NAV3: variants seen among roughly 807,000 people sequenced by gnomAD.
NAV3 encodes pore membrane and/or filament interacting like protein 1.
In NAV3, 87 loss-of-function variants were observed where a neutral mutation model predicts 244.7. The observed-to-expected ratio is 0.36, with a 90% CI of 0.30 to 0.42. The LOEUF (loss-of-function observed/expected upper bound fraction) is 0.42, where lower values mean the gene tolerates loss of function less well. Ranked by LOEUF, NAV3 falls within the 20% of genes least tolerant of loss-of-function variation. NAV3 has a pLI of 1.00. For missense variants in NAV3, 2,663 were observed against 2,893.3 expected (o/e 0.92, Z 1.83); for synonymous variants, 1,126 against 1,042.2 (o/e 1.08, Z -1.55).
At chr12:78,209,997 G>C (rs1960735867) in intron 39 of NAV3, among the ~76,000 whole-genome samples, 1 of 152,096 alleles carries the variant, frequency 6.6e-6, no homozygotes, top group Non-Finnish European at 1.5e-5. Flanking sequence ...GTGTGCGTCT[G>C]TGTGTGTATG....
intron 7 of NAV3, among the ~76,000 whole-genome samples, chr12:78,004,587 T>C (rs977139169): frequency 2.6e-5 from 4 of 152,226 alleles, no homozygotes; most frequent in African/African-American, 9.6e-5. Flanking sequence ...TTCCTGAATA[T>C]ATAAATGGCA....
At position 78,039,605 on chromosome 12, in the gene NAV3, GAA is replaced by G. The variant is rs1359316401; in HGVS notation, c.2024-10387_2024-10386del. On this transcript the variant is annotated intron_variant, in intron 9 of 39. Coordinates refer to ENST00000397909, the MANE Select transcript of NAV3 (RefSeq NM_001024383.2). ...TGGGGTAGAGGGCATAATTCTCTGA[GAA>G]TAAGATTTATTCATACAGATTTGAT... Among the ~76,000 whole-genome samples the G allele has an allele frequency of 2.6e-5, 4 of 152,098 alleles. No homozygotes were observed. In the South Asian group the frequency reaches 8.3e-4, roughly 32 times the overall value.
chr12:78,154,286 C>CTATATATTACTATATATACTACTATATAT (rs1565731140), intron 22 of NAV3, among the ~76,000 whole-genome samples: 1 of 117,612 alleles, frequency 8.5e-6, no homozygotes, highest in Non-Finnish European at 1.8e-5. Context: ...ACTATATATA[C>CTATATATTACTATATATACTACTATATAT]TACTATATAT....
intron 2 of NAV3, among the ~76,000 whole-genome samples, chr12:77,609,609 A>G (rs1870821856): frequency 6.6e-6 from 1 of 152,062 alleles, no homozygotes. Context: ...TTAATAAGTT[A>G]GAGATGGGGC....
intron 3 of NAV3, among the ~76,000 whole-genome samples, chr12:77,958,637 C>T (rs369558790): frequency 6.6e-6 from 1 of 152,092 alleles, no homozygotes. Flanking sequence ...TGTATCCATG[C>T]ATTTGGATAC....
chr12:78,171,838 A>C (rs1294833329), intron 24 of NAV3, among the ~76,000 whole-genome samples: 1 of 151,616 alleles, frequency 6.6e-6, no homozygotes, highest in African/African-American at 2.4e-5. Context: ...ATTTGGAATG[A>C]CACAACAGTT....
chr12:78,009,240 G>A (rs765041370), intron 8 of NAV3, among the ~76,000 whole-genome samples: 14 of 151,406 alleles, frequency 9.2e-5, no homozygotes, highest in African/African-American at 1.7e-4. Flanking sequence ...AACCTGATGA[G>A]TTCTTTGAGA....
chr12:78,179,499 G>A (rs777987029), intron 28 of NAV3, 30 bp from the exon 29 acceptor site: 5 of 1,612,266 alleles, frequency 3.1e-6, no homozygotes, highest in Non-Finnish European at 4.2e-6. Flanking sequence ...GCTTCCCCAG[G>A]CCACTGATTC....
intron 39 of NAV3, among the ~76,000 whole-genome samples, chr12:78,207,796 C>G (rs1218939504): frequency 6.6e-6 from 1 of 152,090 alleles, no homozygotes; most frequent in Non-Finnish European, 1.5e-5. Context: ...ATCACAGAGA[C>G]AGTGGAGAAC....
chr12:78,135,300 C>A (rs1295478869), intron 18 of NAV3, among the ~76,000 whole-genome samples: 1 of 152,170 alleles, frequency 6.6e-6, no homozygotes, highest in African/African-American at 2.4e-5. Context: ...AAAAGCAGAT[C>A]TGTCATAGTT....
chr12:77,639,142 C>T (rs1872282656), intron 2 of NAV3, among the ~76,000 whole-genome samples: 1 of 152,096 alleles, frequency 6.6e-6, no homozygotes, highest in Admixed American at 6.6e-5. Flanking sequence ...GGACTATCTC[C>T]ATTTGGATTT....
intron 2 of NAV3, among the ~76,000 whole-genome samples, chr12:77,599,440 G>C (rs1405515627): frequency 6.6e-6 from 1 of 151,748 alleles, no homozygotes; most frequent in Non-Finnish European, 1.5e-5. Context: ...TTTGAATATT[G>C]TACTTTGTGA....
chr12:77,637,980 CT>C (rs1232446327), intron 2 of NAV3, among the ~76,000 whole-genome samples: 1 of 152,170 alleles, frequency 6.6e-6, no homozygotes, highest in Non-Finnish European at 1.5e-5. Flanking sequence ...TCAACAGGCA[CT>C]ATTTGATGCA....
chr12:77,615,771 GTTAA>G (rs1364349474), intron 2 of NAV3, among the ~76,000 whole-genome samples: 6 of 152,216 alleles, frequency 3.9e-5, no homozygotes, highest in East Asian at 3.9e-4. Context: ...TGTTTGTGCT[GTTAA>G]TTGTCAGTCT....
intron 1 of NAV3, among the ~76,000 whole-genome samples, chr12:77,884,172 T>C (rs1408444965): frequency 6.6e-6 from 1 of 152,122 alleles, no homozygotes; most frequent in Non-Finnish European, 1.5e-5. Flanking sequence ...TGTGTTTTAG[T>C]TGGGATTCTC....
intron 2 of NAV3, among the ~76,000 whole-genome samples, chr12:77,588,320 C>T (rs66688903): frequency 0.056 from 8,480 of 151,822 alleles, 287 homozygotes; most frequent in Non-Finnish European, 0.078. Context: ...GGTCCCACTA[C>T]GTTGCCCAGG....
chr12:77,759,300 C>G (rs1869348099), intron 2 of NAV3, among the ~76,000 whole-genome samples: 1 of 152,082 alleles, frequency 6.6e-6, no homozygotes, highest in Non-Finnish European at 1.5e-5. Context: ...TTATTTAGCT[C>G]TTCATAAAAG....
At chr12:77,673,620 C>T (rs536981490) in intron 2 of NAV3, among the ~76,000 whole-genome samples, 1 of 152,104 alleles carries the variant, frequency 6.6e-6, no homozygotes, top group African/African-American at 2.4e-5. Flanking sequence ...CATTTGAAAG[C>T]AAATACCTAT....
chr12:77,835,792 C>A (rs538876058), intron 1 of NAV3, among the ~76,000 whole-genome samples: 3 of 152,288 alleles, frequency 2.0e-5, no homozygotes, highest in Admixed American at 6.5e-5. Flanking sequence ...TTATTTGCTT[C>A]TCATATCTTA....
Sources: allele counts gnomAD v4.1 joint callset (sites outside exome capture counted in the v4.1 genomes callset), GRCh38; gene constraint gnomAD v4.1.1; transcripts MANE v1.5; gene names NCBI Gene and HGNC (gene_info 2026-07-23, HGNC 2026-07-21).